Variants in EXOC2 observed in about 807,000 individuals in gnomAD.
The protein encoded by EXOC2 is SEC5-like 1.
A neutral mutation model predicts 131.8 loss-of-function variants in EXOC2; 70 were observed. That is an observed-to-expected ratio of 0.53 (90% CI 0.44 to 0.65). EXOC2 has a LOEUF of 0.65. Among genes scored for constraint, EXOC2 ranks in the 30% least tolerant of loss-of-function variants. The probability of loss-of-function intolerance (pLI) is 0.00; values close to 1 mark genes in which losing one functional copy is unlikely to be tolerated. For missense variants in EXOC2, 923 were observed against 1,108.6 expected, an observed-to-expected ratio of 0.83 and a Z score of 2.38; for synonymous variants, 411 against 398.4, an observed-to-expected ratio of 1.03 and a Z score of -0.38.
At chr6:538,838 C>T (rs1766623243) in intron 22 of EXOC2, among the ~76,000 whole-genome samples, 1 of 152,144 alleles carries the variant, frequency 6.6e-6, no homozygotes, top group Non-Finnish European at 1.5e-5. Context: ...CGCTGGGAGG[C>T]TGAGGCGGGT....
chr6:533,401 C>T (rs1766221285), intron 22 of EXOC2, among the ~76,000 whole-genome samples: 1 of 152,178 alleles, frequency 6.6e-6, no homozygotes, highest in Admixed American at 6.5e-5. Context: ...TGCTCTGACA[C>T]TCCAGTAACC....
chr6:577,739 A>C (rs1758662637), intron 11 of EXOC2, among the ~76,000 whole-genome samples: 1 of 152,194 alleles, frequency 6.6e-6, no homozygotes, highest in Non-Finnish European at 1.5e-5. Context: ...TGCATAGGAC[A>C]CTTGAATATT....
intron 17 of EXOC2, among the ~76,000 whole-genome samples, chr6:558,047 G>A (rs1757517812): frequency 6.6e-6 from 1 of 152,150 alleles, no homozygotes; most frequent in Non-Finnish European, 1.5e-5. Context: ...AAGGCTCAAG[G>A]CTCAACCAAG....
In EXOC2 at chr6:529,256, GT is replaced by G. The variant is rs372411816; in HGVS notation, c.2380+3212del. Among the ~76,000 whole-genome samples the G allele has an allele frequency of 1.4e-3, 217 of 152,366 alleles. 1 individual carries two copies. The highest frequency in any genetic ancestry group is 6.7e-3 in the East Asian group (35 of 5,192). ...AGGGAATGGGCCTTCATAGATGTCT[GT>G]TTTCCGAAGACACCTTGGAGCGGGT... On this transcript the variant is annotated intron_variant, in intron 23 of 27. Transcript: ENST00000230449.
At chr6:521,345 A>G (rs1387646208) in intron 23 of EXOC2, among the ~76,000 whole-genome samples, 1 of 152,172 alleles carries the variant, frequency 6.6e-6, no homozygotes, top group African/African-American at 2.4e-5. Context: ...GCCGACAGTC[A>G]CTGTCCACAC....
Position 619,427 on chromosome 6 carries a change from A to G in EXOC2, c.536+3T>C, listed in dbSNP as rs750900987. 1 of 1,609,464 alleles carries G rather than the reference A, an allele frequency of 6.2e-7. No individual in the cohort carries two copies. The highest frequency in any genetic ancestry group is 8.5e-7 in the Non-Finnish European group (1 of 1,175,814). ...CACAGTTGACAGTCCCATATCCACT[A>G]ACCTGGTGTTTGAGTGATTCTCTAT... On this transcript the variant is annotated splice_donor_region_variant and intron_variant, in intron 5 of 27. Transcript: ENST00000230449.
At chr6:688,461 C>A (rs1269567126) in intron 1 of EXOC2, among the ~76,000 whole-genome samples, 1 of 152,234 alleles carries the variant, frequency 6.6e-6, no homozygotes, top group Non-Finnish European at 1.5e-5. Flanking sequence ...ACTGAGCACA[C>A]TGGCATGACA....
intron 25 of EXOC2, among the ~76,000 whole-genome samples, chr6:495,138 T>TA (rs1420164086): frequency 6.6e-6 from 1 of 151,688 alleles, no homozygotes; most frequent in Non-Finnish European, 1.5e-5. Flanking sequence ...TTTTTTTTTT[T>TA]TTTTTGAGAC....
At chr6:582,322 GTGAGTAAGGTTAC>G (rs1446978017) in intron 11 of EXOC2, among the ~76,000 whole-genome samples, 6 of 152,218 alleles carry the variant, frequency 3.9e-5, no homozygotes, top group Admixed American at 3.9e-4. Flanking sequence ...ACGGAGCCAG[GTGAGTAAGGTTAC>G]TGTATTTTCT....
chr6:508,656 G>A (rs1366471900), intron 23 of EXOC2, among the ~76,000 whole-genome samples: 3 of 152,160 alleles, frequency 2.0e-5, no homozygotes, highest in Admixed American at 6.5e-5. Flanking sequence ...CAGATGGACC[G>A]TAACACATTT....
chr6:573,489 C>A (rs1034232422), intron 12 of EXOC2, among the ~76,000 whole-genome samples: 1 of 152,108 alleles, frequency 6.6e-6, no homozygotes, highest in Non-Finnish European at 1.5e-5. Flanking sequence ...AATGACGCCG[C>A]GGATCAGGCT....
chr6:515,644 G>A (rs1274159967), intron 23 of EXOC2, among the ~76,000 whole-genome samples: 1 of 151,208 alleles, frequency 6.6e-6, no homozygotes, highest in Middle Eastern at 3.2e-3. Context: ...AAGGAGAGAC[G>A]CACACAGCTG....
chr6:525,762 A>C (rs1394890770), intron 23 of EXOC2, among the ~76,000 whole-genome samples: 1 of 152,240 alleles, frequency 6.6e-6, no homozygotes, highest in Non-Finnish European at 1.5e-5. Context: ...ATGTGTATAC[A>C]TGTCAAATTG....
At position 485,212 on chromosome 6, in the gene EXOC2, ACATT is replaced by A. The variant is rs1326047110; in HGVS notation, c.*1455_*1458del. On this transcript the variant is annotated 3_prime_UTR_variant, in exon 28 of 28. Coordinates refer to ENST00000230449, the MANE Select transcript of EXOC2 (RefSeq NM_018303.6). ...GTAGTAGATATTTAAAATATCACAA[ACATT>A]CATGATTGCAGTTTTTAAACTTAGC... 9 of 152,246 alleles carry A rather than the reference ACATT, an allele frequency of 5.9e-5. No individual in the cohort carries two copies. Among genetic ancestry groups the A allele is most frequent in the African/African-American group, 7.2e-5 (3 of 41,472 alleles). 9.4% of individuals were successfully genotyped at this position (152,246 alleles called of 1,614,324 possible). A position where few individuals can be genotyped will look rare whatever the true frequency, so the allele number is the denominator to read the frequency against.
At chr6:643,766 C>A (rs367638055) in intron 1 of EXOC2, among the ~76,000 whole-genome samples, 3 of 152,060 alleles carry the variant, frequency 2.0e-5, no homozygotes, top group African/African-American at 7.2e-5. Flanking sequence ...GCCAAAAGTT[C>A]TTCACCAACA....
At position 523,625 on chromosome 6, in the gene EXOC2, CAG is replaced by C. The variant is rs543414285; in HGVS notation, c.2380+8842_2380+8843del. ...GAATTCAAGTTAGACTAAGTTTAAACAGGGCAATGAATGTATGGTTTATTTTG... is the reference window on the plus strand; with the variant it reads ...GAATTCAAGTTAGACTAAGTTTAAACGGCAATGAATGTATGGTTTATTTTG... On this transcript the variant is annotated intron_variant, in intron 23 of 27. Coordinates refer to ENST00000230449, the MANE Select transcript of EXOC2 (RefSeq NM_018303.6). 4.9e-4 allele frequency among the ~76,000 whole-genome samples: 75 copies of C among 152,332 alleles called. 1 individual carries two copies. The South Asian group carries it at 0.016, about 32-fold the overall frequency.
chr6:594,025 G>A (rs1759682741), intron 10 of EXOC2, among the ~76,000 whole-genome samples: 1 of 152,244 alleles, frequency 6.6e-6, no homozygotes. Context: ...AGAGGTGGCT[G>A]AGAGCTGCCA....
chr6:635,873 C>A (rs1350886775), intron 2 of EXOC2, among the ~76,000 whole-genome samples: 1 of 152,176 alleles, frequency 6.6e-6, no homozygotes, highest in Non-Finnish European at 1.5e-5. Context: ...CCATCCTGGC[C>A]AATATGGTAA....
intron 1 of EXOC2, chr6:679,350 T>A (rs1764295296): frequency 6.6e-6 from 1 of 151,994 alleles, no homozygotes; most frequent in Non-Finnish European, 1.5e-5. Flanking sequence ...CCAACGAACA[T>A]AAAGACAAAA....
Sources: gnomAD v4.1 joint callset for allele counts (sites outside exome capture counted in the v4.1 genomes callset) on GRCh38, gnomAD v4.1.1 for gene constraint, MANE v1.5 for transcripts, NCBI Gene and HGNC (gene_info 2026-07-23, HGNC 2026-07-21) for gene names.